ZFX: variants seen among roughly 807,000 people sequenced by gnomAD.
ZFX encodes the protein zinc finger X-chromosomal protein.
For missense variants in ZFX, 362 were observed against 628.3 expected (o/e 0.58, Z 4.53); for synonymous variants, 196 against 226.8 (o/e 0.86, Z 1.22).
intron 3 of ZFX, among the ~76,000 whole-genome samples, chrX:24,160,869 T>C (rs1445184585): frequency 8.9e-6 from 1 of 112,142 alleles, no homozygotes; most frequent in Non-Finnish European, 1.9e-5. Flanking sequence ...CTCTGGATAC[T>C]ATGATTTTTG....
chrX:24,197,624 ATATT>A (rs1023606195), intron 5 of ZFX, among the ~76,000 whole-genome samples: 12 of 112,383 alleles, frequency 1.1e-4, no homozygotes, highest in Admixed American at 8.5e-4. Context: ...AACTAGAAAA[ATATT>A]TATAATGGGA....
intron 3 of ZFX, among the ~76,000 whole-genome samples, chrX:24,163,831 T>TAAA (rs199942005): frequency 5.7e-4 from 37 of 65,276 alleles, no homozygotes; most frequent in South Asian, 1.7e-3. Context: ...CCCCCTCTTT[T>TAAA]AAAAAAAAGA....
intron 3 of ZFX, among the ~76,000 whole-genome samples, chrX:24,171,876 A>G (rs1389709884): frequency 9.5e-6 from 1 of 104,987 alleles, no homozygotes; most frequent in Non-Finnish European, 1.9e-5. Context: ...CTCAGCTCTT[A>G]TGTTCCAGCC....
At chrX:24,151,848 TAATG>T (rs1932193179) in intron 2 of ZFX, 48 bp downstream of exon 2, 1 of 111,335 alleles carries the variant, frequency 9.0e-6, no homozygotes, top group Admixed American at 9.5e-5. Context: ...AGTTGAAAAA[TAATG>T]AGAGTAGTAA....
intron 3 of ZFX, among the ~76,000 whole-genome samples, chrX:24,162,094 G>A (rs1314495998): frequency 1.8e-5 from 2 of 110,628 alleles, no homozygotes; most frequent in African/African-American, 6.6e-5. Flanking sequence ...TGGGCGTGGT[G>A]GCACATGCCT....
At chrX:24,180,318 T>C (rs1200600334) in intron 5 of ZFX, among the ~76,000 whole-genome samples, 2 of 110,555 alleles carry the variant, frequency 1.8e-5, no homozygotes, top group African/African-American at 6.6e-5. Flanking sequence ...ATTAGAATTA[T>C]GAACTCTCTT....
chrX:24,199,307 T>G (rs187249210), intron 5 of ZFX, among the ~76,000 whole-genome samples: 2,152 of 109,377 alleles, frequency 0.02, 53 homozygotes, highest in African/African-American at 0.068. Context: ...CAGGCCGAAG[T>G]GCAGTGGCAC....
At chrX:24,173,512 A>G in intron 4 of ZFX, 1 of 1,039,847 alleles carries the variant, frequency 9.6e-7, no homozygotes, top group Non-Finnish European at 1.2e-6. Context: ...GAAAAAAAAC[A>G]GTATTAGAAA....
chrX:24,177,586 A>G lies in ZFX; in HGVS notation c.59-1597A>G, dbSNP rs143153499. On this transcript the variant is annotated intron_variant, in intron 4 of 9. Transcript: ENST00000304543. Reference sequence around the variant, plus strand: ...GCGCAGCTGCACTTGTATTTATCCTATCAGTCTCCAGAGCCTCCTCAACCC... The same window carrying G: ...GCGCAGCTGCACTTGTATTTATCCTGTCAGTCTCCAGAGCCTCCTCAACCC... 8.4e-3 allele frequency: 3,413 copies of G among 407,847 alleles called. 19 individuals carry two copies. The highest frequency in any genetic ancestry group is 0.013 in the African/African-American group (474 of 36,375). The allele number at this position is 407,847 out of a possible 1,213,427, so 33.6% of individuals were successfully genotyped here.
At chrX:24,193,978 C>T (rs1936722155) in intron 5 of ZFX, among the ~76,000 whole-genome samples, 1 of 111,329 alleles carries the variant, frequency 9.0e-6, no homozygotes, top group South Asian at 3.8e-4. Context: ...CGATCCCCTC[C>T]TTTCAGCCCC....
intron 7 of ZFX, 138 bp from the exon 8 acceptor site, chrX:24,208,080 C>G: frequency 2.3e-6 from 2 of 880,762 alleles, no homozygotes; most frequent in Admixed American, 3.2e-5. Flanking sequence ...TGAGTGCTTA[C>G]TACGTGAAAG....
chrX:24,173,854 T>G lies in ZFX; in HGVS notation c.58+1054T>G, dbSNP rs753629281. The G allele has an allele frequency of 1.3e-4, 49 of 384,493 alleles. 1 individual carries two copies. Among genetic ancestry groups the G allele is most frequent in the Non-Finnish European group, 2.0e-4 (45 of 224,399 alleles). The allele number at this position is 384,493 out of a possible 1,213,427, so 31.7% of individuals were successfully genotyped here. On this transcript the variant is annotated intron_variant, in intron 4 of 9. Coordinates refer to ENST00000304543, the MANE Select transcript of ZFX (RefSeq NM_003410.4). ...ATGTGATCTGCCTGCCTCGGTCTCC[T>G]ATAAGTATTGGGATTACAGGCGTGA...
chrX:24,179,558 G>T lies in ZFX; in HGVS notation c.434G>T (p.Gly145Val), dbSNP rs780842134. The change falls in exon 5 of 10, where the codon GGA (glycine) becomes GTA (valine). Residue 145 changes from glycine (G) to valine (V), a missense_variant. Gly to Val is a moderately radical substitution (Grantham distance 109). Transcript: ENST00000304543. ...GATTCTATACATGTGTCTGACGTTG[G>T]ACATGTTGGACATGTTGGACATGTT... ...TGDSIHVSDV[G>V]HVGHVGHVEH... 10 of 1,209,205 alleles carry T rather than the reference G, an allele frequency of 8.3e-6. No individual in the cohort carries two copies. Among genetic ancestry groups the T allele is most frequent in the Admixed American group, 2.2e-5 (1 of 45,668 alleles).
In ZFX at chrX:24,211,427, T is replaced by G. The variant is rs187192709; in HGVS notation, c.*51T>G. 178 of 1,163,796 alleles carry G rather than the reference T, an allele frequency of 1.5e-4. 1 individual carries two copies. The African/African-American group carries it at 2.5e-3, about 16-fold the overall frequency. On this transcript the variant is annotated 3_prime_UTR_variant, in exon 10 of 10. Transcript: ENST00000304543. The stretch of plus-strand genomic sequence containing the variant: ...AGATATTGGCCTTGAAGCAGAAAAT[T>G]CATTTTAAAGCCAATCAGTCTCATT...
chrX:24,153,100 C>T (rs186771689), intron 3 of ZFX, among the ~76,000 whole-genome samples: 1 of 112,182 alleles, frequency 8.9e-6, no homozygotes, highest in East Asian at 2.8e-4. Flanking sequence ...CAAATGCTTA[C>T]TCTCACTTAA....
chrX:24,199,369 C>T (rs1457643020), intron 5 of ZFX, among the ~76,000 whole-genome samples: 8 of 109,724 alleles, frequency 7.3e-5, no homozygotes, highest in Admixed American at 6.8e-4. Flanking sequence ...GTCCTCCCAC[C>T]TCAGCCTCCT....
At chrX:24,163,056 C>A (rs1396215690) in intron 3 of ZFX, among the ~76,000 whole-genome samples, 1 of 110,489 alleles carries the variant, frequency 9.1e-6, no homozygotes. Context: ...ATATCTATCC[C>A]AATTTGACTC....
In ZFX at chrX:24,157,915, C is replaced by T. The variant is rs1017287682; in HGVS notation, c.-29+5085C>T. 8.1e-5 allele frequency among the ~76,000 whole-genome samples: 9 copies of T among 111,104 alleles called. No individual in the cohort carries two copies. The East Asian group carries it at 8.4e-4, about 10-fold the overall frequency. Reference sequence around the variant, plus strand: ...CTGGGACTACAGGTGCACGCTGCCACGCCCAGCTAATTTTTTGTATTTTAG... The same window carrying T: ...CTGGGACTACAGGTGCACGCTGCCATGCCCAGCTAATTTTTTGTATTTTAG... On this transcript the variant is annotated intron_variant, in intron 3 of 9. Coordinates refer to ENST00000304543, the MANE Select transcript of ZFX (RefSeq NM_003410.4).
At chrX:24,159,789 T>A (rs193205393) in intron 3 of ZFX, among the ~76,000 whole-genome samples, 1 of 111,954 alleles carries the variant, frequency 8.9e-6, no homozygotes, top group East Asian at 2.8e-4. Context: ...AGCGAGACGA[T>A]CTGTTTCTTA....
Sources: allele counts gnomAD v4.1 joint callset (sites outside exome capture counted in the v4.1 genomes callset), GRCh38; gene constraint gnomAD v4.1.1; transcripts MANE v1.5; gene names NCBI Gene and HGNC (gene_info 2026-07-23, HGNC 2026-07-21).